The following XYLT1 variants were observed in gnomAD, a reference collection of about 807,000 sequenced individuals.
The protein encoded by XYLT1 is beta-D-xylosyltransferase 1.
Under a neutral mutation model 91.3 loss-of-function variants are expected in XYLT1, and 36 were observed. The ratio of observed to expected loss-of-function variants is 0.39; its 90% CI spans 0.30 to 0.52. XYLT1 has a LOEUF of 0.52. Ranked by LOEUF, XYLT1 falls within the 20% of genes least tolerant of loss-of-function variation. The pLI, the probability that XYLT1 is intolerant of heterozygous loss-of-function variation, is 0.68. For missense variants in XYLT1, 1,242 were observed against 1,284.5 expected (o/e 0.97, Z 0.51); for synonymous variants, 588 against 532.0 (o/e 1.11, Z -1.45).
rs1402750897 is a variant in XYLT1 at position 17,105,482 on chromosome 16, G to C, written c.*3213C>G. 2.0e-5 allele frequency: 3 copies of C among 152,208 alleles called. No homozygotes were observed. Among genetic ancestry groups the C allele is most frequent in the Non-Finnish European group, 4.4e-5 (3 of 68,052 alleles). 9.4% of individuals were successfully genotyped at this position (152,208 alleles called of 1,614,324 possible). A position where few individuals can be genotyped will look rare whatever the true frequency, so the allele number is the denominator to read the frequency against. ...GCTTCTCACAACACGGGGACCTTGG[G>C]AATTGCTCACTGCCTCCTTGGAGAC... On this transcript the variant is annotated 3_prime_UTR_variant, in exon 12 of 12. Coordinates refer to ENST00000261381, the MANE Select transcript of XYLT1 (RefSeq NM_022166.4).
At chr16:17,395,174 G>C (rs1176953491) in intron 1 of XYLT1, among the ~76,000 whole-genome samples, 1 of 152,106 alleles carries the variant, frequency 6.6e-6, no homozygotes, top group East Asian at 1.9e-4. Flanking sequence ...CACTTTTAAA[G>C]CATCAGATCT....
intron 10 of XYLT1, among the ~76,000 whole-genome samples, chr16:17,122,263 TC>T (rs2030090039): frequency 6.6e-6 from 1 of 152,142 alleles, no homozygotes. Context: ...CATGCCAACA[TC>T]TGTTATTTTT....
intron 5 of XYLT1, among the ~76,000 whole-genome samples, chr16:17,173,757 C>A (rs139079726): frequency 6.6e-6 from 1 of 152,210 alleles, no homozygotes; most frequent in African/African-American, 2.4e-5. Flanking sequence ...AATCATCATT[C>A]GGCAAAAGGT....
intron 5 of XYLT1, among the ~76,000 whole-genome samples, chr16:17,173,012 T>C (rs183516562): frequency 6.6e-6 from 1 of 151,602 alleles, no homozygotes; most frequent in African/African-American, 2.4e-5. Flanking sequence ...TGCGCTCCTA[T>C]GGTGACTGAT....
At chr16:17,323,470 A>G (rs2034754737) in intron 2 of XYLT1, among the ~76,000 whole-genome samples, 1 of 152,242 alleles carries the variant, frequency 6.6e-6, no homozygotes, top group Admixed American at 6.5e-5. Context: ...TTAAACTGCA[A>G]ATAAAACACA....
intron 2 of XYLT1, among the ~76,000 whole-genome samples, chr16:17,333,259 A>C (rs1374556076): frequency 6.6e-6 from 1 of 152,246 alleles, no homozygotes; most frequent in Non-Finnish European, 1.5e-5. Context: ...ATTTGATTTA[A>C]CCAAATACAT....
At chr16:17,332,794 T>C (rs1216386402) in intron 2 of XYLT1, among the ~76,000 whole-genome samples, 1 of 152,084 alleles carries the variant, frequency 6.6e-6, no homozygotes, top group African/African-American at 2.4e-5. Context: ...AGACTGGCCA[T>C]TTATAGTCAT....
chr16:17,392,287 C>A (rs116466790), intron 1 of XYLT1, among the ~76,000 whole-genome samples: 178 of 152,256 alleles, frequency 1.2e-3, no homozygotes, highest in African/African-American at 4.0e-3. Context: ...TTCTCTCTGC[C>A]GCCTCAAGGC....
intron 2 of XYLT1, among the ~76,000 whole-genome samples, chr16:17,293,769 G>C (rs1187438060): frequency 2.0e-5 from 3 of 152,096 alleles, no homozygotes; most frequent in East Asian, 3.9e-4. Context: ...GGTTACAGGC[G>C]TGAGCCACCA....
chr16:17,132,925 G>T (rs927123699), intron 9 of XYLT1, among the ~76,000 whole-genome samples: 2 of 152,112 alleles, frequency 1.3e-5, no homozygotes, highest in South Asian at 4.1e-4. Context: ...AACTCATCAG[G>T]TAGTTTTTGA....
chr16:17,426,192 G>C (rs1310726637), intron 1 of XYLT1, among the ~76,000 whole-genome samples: 1 of 152,174 alleles, frequency 6.6e-6, no homozygotes, highest in Non-Finnish European at 1.5e-5. Flanking sequence ...TCTAGATACG[G>C]GGAGAAAAAG....
rs747716188 is a variant in XYLT1, at chr16:17,158,836, T to C, written c.1363A>G (p.Asn455Asp). 3 of 1,614,100 alleles carry C rather than the reference T, an allele frequency of 1.9e-6. No homozygotes were observed. Among genetic ancestry groups the C allele is most frequent in the African/African-American group, 2.7e-5 (2 of 75,022 alleles). ...TAGGGGTTGAGGTGCTACCTTGCATTGTCCCGGCCGTGTGACTTCAAGAAA... is the reference window on the plus strand; with the variant it reads ...TAGGGGTTGAGGTGCTACCTTGCATCGTCCCGGCCGTGTGACTTCAAGAAA... ...MNFLKSHGRD[N>D]ARFIRKQGLD... The change falls in exon 6 of 12, where the codon AAT becomes GAT. Residue 455 changes from asparagine to aspartate, a missense_variant. Physicochemically the swap from Asn to Asp is conservative, Grantham distance 23. Coordinates refer to ENST00000261381, the MANE Select transcript of XYLT1 (RefSeq NM_022166.4).
chr16:17,261,474 C>T (rs2033721366), intron 2 of XYLT1, among the ~76,000 whole-genome samples: 1 of 152,102 alleles, frequency 6.6e-6, no homozygotes, highest in Non-Finnish European at 1.5e-5. Flanking sequence ...GGAATTCAAA[C>T]CAGGCAGATC....
At chr16:17,310,840 C>T (rs1247435065) in intron 2 of XYLT1, among the ~76,000 whole-genome samples, 1 of 152,088 alleles carries the variant, frequency 6.6e-6, no homozygotes, top group African/African-American at 2.4e-5. Context: ...CAGAGCAAGA[C>T]TCCATCTCAA....
chr16:17,129,980 C>T (rs527977470), intron 9 of XYLT1, among the ~76,000 whole-genome samples: 3 of 152,366 alleles, frequency 2.0e-5, no homozygotes, highest in East Asian at 1.9e-4. Context: ...AGGGCTGTCA[C>T]GTCAGTTCTG....
chr16:17,361,962 G>C (rs142363559), intron 1 of XYLT1, among the ~76,000 whole-genome samples: 1 of 152,262 alleles, frequency 6.6e-6, no homozygotes, highest in African/African-American at 2.4e-5. Context: ...AACCCTAAGA[G>C]GTAGATACTA....
chr16:17,160,507 C>T (rs755158660), intron 5 of XYLT1, among the ~76,000 whole-genome samples: 7 of 152,202 alleles, frequency 4.6e-5, no homozygotes, highest in Non-Finnish European at 1.0e-4. Flanking sequence ...TGAAAATGAG[C>T]GCTGCTCGTG....
chr16:17,202,631 AC>A (rs1240988545), intron 3 of XYLT1, among the ~76,000 whole-genome samples: 5 of 152,158 alleles, frequency 3.3e-5, no homozygotes, highest in Non-Finnish European at 5.9e-5. Context: ...AAGGGGACTC[AC>A]CACCACCTCT....
At chr16:17,269,093 T>A (rs553779055) in intron 2 of XYLT1, among the ~76,000 whole-genome samples, 128 of 152,372 alleles carry the variant, frequency 8.4e-4, no homozygotes, top group Non-Finnish European at 1.6e-3. Context: ...CAGCCTCCTC[T>A]GCCCCCTTTT....
Sources: gnomAD v4.1 joint callset for allele counts (sites outside exome capture counted in the v4.1 genomes callset) on GRCh38, gnomAD v4.1.1 for gene constraint, MANE v1.5 for transcripts, NCBI Gene and HGNC (gene_info 2026-07-23, HGNC 2026-07-21) for gene names.